Variants in PCDHGB5 observed in about 807,000 individuals in gnomAD.
The protein encoded by PCDHGB5 is protocadherin gamma-B5.
PCDHGB5 carries 48 observed loss-of-function variants against 62.9 expected under a neutral mutation model. That is an observed-to-expected ratio of 0.76 (90% confidence interval 0.61 to 0.97). PCDHGB5 has a LOEUF of 0.97. Ranked by LOEUF, PCDHGB5 falls within the 50% of genes least tolerant of loss-of-function variation. The pLI is 0.00. For missense variants in PCDHGB5, 1,118 were observed against 1,198.6 expected (o/e 0.93, Z 0.99); for synonymous variants, 474 against 511.2 (o/e 0.93, Z 0.98).
rs1243112302 is a variant in PCDHGB5, at chr5:141,476,738, C to G, written c.2398-18069C>G. 6.2e-7 allele frequency: 1 copy of G among 1,614,076 alleles called. No homozygotes were observed. Among genetic ancestry groups the G allele is most frequent in the Non-Finnish European group, 8.5e-7 (1 of 1,180,028 alleles). On this transcript the variant is annotated intron_variant, in intron 1 of 3. Transcript: ENST00000617380. This position sits in a 1 kb window ranked among gnomAD's most constrained non-coding sequence, Gnocchi z 7.6. ...GCGCGCCCTGGACCGAGAACGGGAG[C>G]CTAGTCTCCAGTTAGTGCTGACGGC...
At chr5:141,472,980 C>CAAAAAA (rs60579131) in intron 1 of PCDHGB5, among the ~76,000 whole-genome samples, 7 of 86,100 alleles carry the variant, frequency 8.1e-5, no homozygotes, top group South Asian at 4.3e-4. Context: ...GAGTGAAACT[C>CAAAAAA]AAAAAAAAAA....
chr5:141,495,412 G>A lies in PCDHGB5; in HGVS notation c.2456+547G>A, dbSNP rs188302135. 2.2e-4 allele frequency among the ~76,000 whole-genome samples: 33 copies of A among 152,284 alleles called. No homozygotes were observed. The East Asian group carries it at 6.4e-3, about 29-fold the overall frequency. ...GGCATGGAGCAGGCCCCCTTCTCCG[G>A]CCCCTCCTCCCACTGTCCTCTGCCC... On this transcript the variant is annotated intron_variant, in intron 2 of 3. Coordinates refer to ENST00000617380, the MANE Select transcript of PCDHGB5 (RefSeq NM_018925.3).
intron 1 of PCDHGB5, chr5:141,410,627 TTC>T: frequency 6.2e-7 from 1 of 1,602,046 alleles, no homozygotes; most frequent in Admixed American, 1.7e-5. Flanking sequence ...TTCGGTGAGT[TTC>T]TCTTTTTTGT....
At chr5:141,441,499 GCCT>G (rs1350774469) in intron 1 of PCDHGB5, 5 of 169,932 alleles carry the variant, frequency 2.9e-5, no homozygotes, top group African/African-American at 1.2e-4. Context: ...TTTCTACCAG[GCCT>G]CCTACGTCGT....
rs1236959966 is a variant in PCDHGB5, at chr5:141,511,984, G to C, written c.*811G>C. On this transcript the variant is annotated 3_prime_UTR_variant, in exon 4 of 4. Transcript: ENST00000617380. ...GGGAAGTGTGTGGATGTGGATGGTGGGGGCATGGACAAAGCTTGACACATC... is the reference window on the plus strand; with the variant it reads ...GGGAAGTGTGTGGATGTGGATGGTGCGGGCATGGACAAAGCTTGACACATC... 1 of 153,294 alleles carries C rather than the reference G, an allele frequency of 6.5e-6. No individual in the cohort carries two copies. Among genetic ancestry groups the C allele is most frequent in the African/African-American group, 2.4e-5 (1 of 41,452 alleles). 9.5% of individuals were successfully genotyped at this position (153,294 alleles called of 1,614,324 possible). A position where few individuals can be genotyped will look rare whatever the true frequency, so the allele number is the denominator to read the frequency against.
chr5:141,445,188 G>A (rs1267342449), intron 1 of PCDHGB5, among the ~76,000 whole-genome samples: 5 of 152,198 alleles, frequency 3.3e-5, no homozygotes, highest in South Asian at 2.1e-4. Flanking sequence ...ATGTTTTTAT[G>A]TATTCTATAT....
chr5:141,476,317 G>T lies in PCDHGB5; in HGVS notation c.2398-18490G>T, dbSNP rs759809060. ...GTAGCCTCTCAGCCCGCAGGTTCCG[G>T]GTGGTGTCTGGAGCTAGCCGAAGAT... On this transcript the variant is annotated intron_variant, in intron 1 of 3. Transcript: ENST00000617380. This position sits in a 1 kb window ranked among gnomAD's most constrained non-coding sequence, Gnocchi z 7.6. 1.9e-6 allele frequency: 3 copies of T among 1,614,170 alleles called. No individual in the cohort carries two copies. The highest frequency in any genetic ancestry group is 1.7e-5 in the Admixed American group (1 of 60,024).
At chr5:141,435,413 A>G (rs1422263053) in intron 1 of PCDHGB5, among the ~76,000 whole-genome samples, 1 of 152,122 alleles carries the variant, frequency 6.6e-6, no homozygotes, top group Admixed American at 6.5e-5. Flanking sequence ...GGTAAAGACT[A>G]TTTTTCACTT....
At position 141,423,758 on chromosome 5, in the gene PCDHGB5, G is replaced by GC. The variant is rs1554116873; in HGVS notation, c.2397+23234_2397+23235insC. 1.7e-4 allele frequency: 62 copies of GC among 366,836 alleles called. 2 individuals are homozygous for GC. The highest frequency in any genetic ancestry group is 4.2e-4 in the Middle Eastern group (1 of 2,358). The allele number at this position is 366,836 out of a possible 1,614,324, so 22.7% of individuals were successfully genotyped here. Reference sequence around the variant, plus strand: ...CTGTTATGAAAACTGTTTGGGGGGGGGGTGGGGCGGCATATATTTAGTTCA... The same window carrying GC: ...CTGTTATGAAAACTGTTTGGGGGGGGCGGTGGGGCGGCATATATTTAGTTCA... On this transcript the variant is annotated intron_variant, in intron 1 of 3. Coordinates refer to ENST00000617380, the MANE Select transcript of PCDHGB5 (RefSeq NM_018925.3).
intron 1 of PCDHGB5, among the ~76,000 whole-genome samples, chr5:141,483,767 T>C (rs2099586826): frequency 6.6e-6 from 1 of 151,840 alleles, no homozygotes; most frequent in Non-Finnish European, 1.5e-5. Flanking sequence ...CTTGGAAAAA[T>C]ATTGGGGAAG....
At chr5:141,408,214 C>CT (rs1471079476) in intron 1 of PCDHGB5, 1 of 1,555,074 alleles carries the variant, frequency 6.4e-7, no homozygotes. Flanking sequence ...TGGGAGGGAG[C>CT]TGCGCGCAGA....
chr5:141,402,901 T>TG, intron 1 of PCDHGB5: 1 of 1,520,230 alleles, frequency 6.6e-7, no homozygotes, highest in Non-Finnish European at 8.8e-7. Context: ...AAGAACCTGA[T>TG]GAAGCAGCGC....
Position 141,431,587 on chromosome 5 carries a change from A to C in PCDHGB5, c.2397+31063A>C. On this transcript the variant is annotated intron_variant, in intron 1 of 3. Coordinates refer to ENST00000617380, the MANE Select transcript of PCDHGB5 (RefSeq NM_018925.3). This position sits in a 1 kb window ranked among gnomAD's most constrained non-coding sequence, Gnocchi z 4.8. ...ACCCTGACGAAGGAGTCAATGCGGA[A>C]GTGAGGTATTCCTTCCGGTATGTGG... The C allele has an allele frequency of 1.2e-6, 2 of 1,614,236 alleles. No homozygotes were observed. Among genetic ancestry groups the C allele is most frequent in the Non-Finnish European group, 1.7e-6 (2 of 1,180,036 alleles).
Position 141,487,632 on chromosome 5 carries a change from C to G in PCDHGB5, c.2398-7175C>G, listed in dbSNP as rs374506603. The G allele has an allele frequency of 6.2e-7, 1 of 1,614,186 alleles. No homozygotes were observed. Among genetic ancestry groups the G allele is most frequent in the East Asian group, 2.2e-5 (1 of 44,888 alleles). On this transcript the variant is annotated intron_variant, in intron 1 of 3. Coordinates refer to ENST00000617380, the MANE Select transcript of PCDHGB5 (RefSeq NM_018925.3). The surrounding 1 kb of genome is among the most constrained non-coding windows in gnomAD (Gnocchi z 5.0). ...GGGCTAGAGGTGAGACCTTTGCAGG[C>G]TCAACAAATGCTTGAGGGTTATTCT... is the stretch of plus-strand genomic sequence containing the variant.
rs909255357 is a variant in PCDHGB5 at position 141,489,178 on chromosome 5, C to A, written c.2398-5629C>A. 5 of 1,234,744 alleles carry A rather than the reference C, an allele frequency of 4.0e-6. No individual in the cohort carries two copies. The highest frequency in any genetic ancestry group is 2.3e-5 in the Admixed American group (1 of 42,922). The allele number at this position is 1,234,744 out of a possible 1,614,324, so 76.5% of individuals were successfully genotyped here. Reference sequence around the variant, plus strand: ...GAGACTTCAGCTGCTGCATTCCAAGCCCTGGGTCTACCTTGGAGACAGGAC... The same window carrying A: ...GAGACTTCAGCTGCTGCATTCCAAGACCTGGGTCTACCTTGGAGACAGGAC... On this transcript the variant is annotated intron_variant, in intron 1 of 3. Transcript: ENST00000617380. This position sits in a 1 kb window ranked among gnomAD's most constrained non-coding sequence, Gnocchi z 4.5.
At chr5:141,404,780 A>G (rs746373854) in intron 1 of PCDHGB5, 2 of 1,612,764 alleles carry the variant, frequency 1.2e-6, no homozygotes, top group African/African-American at 1.3e-5. Flanking sequence ...CCGCCTATTC[A>G]AGGCCAGTGA....
intron 1 of PCDHGB5, among the ~76,000 whole-genome samples, chr5:141,473,910 A>G (rs1165685707): frequency 6.6e-6 from 1 of 152,168 alleles, no homozygotes; most frequent in Non-Finnish European, 1.5e-5. Flanking sequence ...AAGAGGTCTT[A>G]AGAAAACTAT....
At chr5:141,402,639 A>C (rs886333954) in intron 1 of PCDHGB5, among the ~76,000 whole-genome samples, 2 of 152,250 alleles carry the variant, frequency 1.3e-5, no homozygotes. Flanking sequence ...ATCTAAAATC[A>C]TAATTAGAAG....
At chr5:141,419,570 G>A (rs751047365) in intron 1 of PCDHGB5, 3 of 1,611,764 alleles carry the variant, frequency 1.9e-6, no homozygotes, top group Non-Finnish European at 2.5e-6. Flanking sequence ...GGGTCCCGAC[G>A]GCTCCGCGCT....
Sources: gnomAD v4.1 joint callset for allele counts (sites outside exome capture counted in the v4.1 genomes callset) on GRCh38, gnomAD v4.1.1 for gene constraint, Gnocchi (gnomAD v3.1) non-coding constraint, MANE v1.5 for transcripts, NCBI Gene and HGNC (gene_info 2026-07-23, HGNC 2026-07-21) for gene names.